C6orf89: variants seen among roughly 807,000 people sequenced by gnomAD.
C6orf89 encodes the protein bombesin receptor-activated protein C6orf89.
C6orf89 carries 29 observed loss-of-function variants against 40.7 expected under a neutral mutation model. The ratio of observed to expected loss-of-function variants is 0.71; its 90% CI spans 0.53 to 0.97. The LOEUF (loss-of-function observed/expected upper bound fraction) is 0.97, where lower values mean the gene tolerates loss of function less well. Among genes scored for constraint, C6orf89 ranks in the 50% least tolerant of loss-of-function variants. The pLI, the probability that C6orf89 is intolerant of heterozygous loss-of-function variation, is 0.00. For synonymous variants in C6orf89, 165 were observed against 152.2 expected, an observed-to-expected ratio of 1.08 and a Z score of -0.62; for missense variants, 392 against 429.1, an observed-to-expected ratio of 0.91 and a Z score of 0.76.
intron 4 of C6orf89, among the ~76,000 whole-genome samples, chr6:36,911,363 A>G (rs1201801902): frequency 6.6e-6 from 1 of 151,870 alleles, no homozygotes; most frequent in Non-Finnish European, 1.5e-5. Flanking sequence ...CGTGGCGGGC[A>G]CCTGTAATCC....
intron 1 of C6orf89, among the ~76,000 whole-genome samples, chr6:36,872,538 G>T (rs1774534636): frequency 6.6e-6 from 1 of 152,054 alleles, no homozygotes; most frequent in Admixed American, 6.6e-5. Context: ...AGATAAGGAA[G>T]AGGCAAGAGA....
intron 3 of C6orf89, among the ~76,000 whole-genome samples, 178 bp downstream of exon 3, chr6:36,899,811 A>G (rs551228807): frequency 6.6e-6 from 1 of 152,368 alleles, no homozygotes; most frequent in Admixed American, 6.5e-5. Context: ...TAAAGGTCCT[A>G]GATGAAAGCT....
intron 1 of C6orf89, among the ~76,000 whole-genome samples, chr6:36,889,715 T>A (rs1231901573): frequency 6.6e-6 from 1 of 152,198 alleles, no homozygotes; most frequent in Non-Finnish European, 1.5e-5. Context: ...ATGATCTTTT[T>A]AAAAAAATTT....
chr6:36,895,315 C>T (rs1404832901), intron 2 of C6orf89, among the ~76,000 whole-genome samples: 1 of 152,144 alleles, frequency 6.6e-6, no homozygotes, highest in African/African-American at 2.4e-5. Context: ...AATGCTACAT[C>T]TTAATTTCTG....
At chr6:36,898,149 C>T in intron 2 of C6orf89, among the ~76,000 whole-genome samples, 1 of 152,230 alleles carries the variant, frequency 6.6e-6, no homozygotes, top group Non-Finnish European at 1.5e-5. Context: ...GTGGTATGAT[C>T]ATAGCTCACT....
At chr6:36,915,220 A>G (rs1259105484) in intron 6 of C6orf89, among the ~76,000 whole-genome samples, 1 of 152,214 alleles carries the variant, frequency 6.6e-6, no homozygotes, top group Non-Finnish European at 1.5e-5. Flanking sequence ...AAGTTTGTCT[A>G]ATAGAGTCAT....
chr6:36,911,741 C>T (rs1435101596), intron 4 of C6orf89, among the ~76,000 whole-genome samples: 2 of 152,060 alleles, frequency 1.3e-5, no homozygotes, highest in African/African-American at 4.8e-5. Context: ...CCTAGATGAG[C>T]ACTAATGACA....
At chr6:36,891,137 C>T (rs1194764290) in intron 1 of C6orf89, among the ~76,000 whole-genome samples, 2 of 152,056 alleles carry the variant, frequency 1.3e-5, no homozygotes, top group Non-Finnish European at 2.9e-5. Context: ...AATGCTATCC[C>T]TCCCCACTCC....
rs914382142 is a variant in C6orf89, at chr6:36,925,752, T to C, written c.*2311T>C. The stretch of plus-strand genomic sequence containing the variant: ...TTGCCAGCCAGTCCCTTTCTGATGA[T>C]CAAGGCCCTGCACAGCAGGATGCCA... On this transcript the variant is annotated 3_prime_UTR_variant, in exon 9 of 9. Transcript: ENST00000480824. 1 of 152,216 alleles carries C rather than the reference T, an allele frequency of 6.6e-6. No individual in the cohort carries two copies. Among genetic ancestry groups the C allele is most frequent in the Non-Finnish European group, 1.5e-5 (1 of 68,042 alleles). The allele number at this position is 152,216 out of a possible 1,614,324, so 9.4% of individuals were successfully genotyped here.
upstream of C6orf89, chr6:36,885,759 G>C (rs1026713318): frequency 2.7e-6 from 1 of 370,230 alleles, no homozygotes; most frequent in African/African-American, 2.1e-5. Context: ...GGGGCGAAAA[G>C]AGCCAGAACG....
intron 2 of C6orf89, among the ~76,000 whole-genome samples, chr6:36,896,671 T>C (rs899916012): frequency 2.6e-5 from 4 of 152,240 alleles, no homozygotes; most frequent in African/African-American, 9.6e-5. Context: ...TGAAGTCCAA[T>C]TTATTTTTTC....
chr6:36,880,962 A>G (rs1364564384), upstream of C6orf89, among the ~76,000 whole-genome samples: 2 of 152,354 alleles, frequency 1.3e-5, no homozygotes, highest in Non-Finnish European at 1.5e-5. Flanking sequence ...ATTTAAGGTG[A>G]TTAGGCCTCC....
chr6:36,915,171 G>T (rs568277782), intron 6 of C6orf89, among the ~76,000 whole-genome samples: 108 of 152,306 alleles, frequency 7.1e-4, no homozygotes, highest in Non-Finnish European at 1.1e-3. Flanking sequence ...GGATGAAGAG[G>T]TGTGTCAGAA....
At chr6:36,888,356 G>T (rs1290170133) in intron 1 of C6orf89, among the ~76,000 whole-genome samples, 1 of 152,220 alleles carries the variant, frequency 6.6e-6, no homozygotes, top group Non-Finnish European at 1.5e-5. Flanking sequence ...AAGTGGCCGA[G>T]TGCAGCGGCT....
intron 1 of C6orf89, among the ~76,000 whole-genome samples, chr6:36,890,903 T>G (rs900701714): frequency 5.3e-5 from 8 of 152,220 alleles, no homozygotes; most frequent in Admixed American, 4.6e-4. Flanking sequence ...TTAAATCGTA[T>G]TAATCATTTC....
At chr6:36,916,353 C>A in intron 6 of C6orf89, 92 bp from the exon 7 acceptor site, 1 of 1,507,850 alleles carries the variant, frequency 6.6e-7, no homozygotes, top group South Asian at 1.2e-5. Context: ...TTACCCACCG[C>A]CCACAGTTTT....
chr6:36,909,523 T>G (rs1762046300), intron 4 of C6orf89, among the ~76,000 whole-genome samples: 1 of 152,160 alleles, frequency 6.6e-6, no homozygotes, highest in South Asian at 2.1e-4. Context: ...CCATTTATAT[T>G]TATAATACTT....
chr6:36,896,628 CTCTTG>C (rs1310341141), intron 2 of C6orf89, among the ~76,000 whole-genome samples: 1 of 152,100 alleles, frequency 6.6e-6, no homozygotes, highest in African/African-American at 2.4e-5. Context: ...TTTTCCCCTC[CTCTTG>C]TCTTCTACAA....
In C6orf89 at chr6:36,926,954, A is replaced by C. The variant is rs1226939901; in HGVS notation, c.*3513A>C. 2 of 152,262 alleles carry C rather than the reference A, an allele frequency of 1.3e-5. No individual in the cohort carries two copies. The highest frequency in any genetic ancestry group is 1.3e-4 in the Admixed American group (2 of 15,286). 9.4% of individuals were successfully genotyped at this position (152,262 alleles called of 1,614,324 possible). A position where few individuals can be genotyped will look rare whatever the true frequency, so the allele number is the denominator to read the frequency against. On this transcript the variant is annotated 3_prime_UTR_variant, in exon 9 of 9. Transcript: ENST00000480824. ...GGGGTCAGCAAGCCAGGAACTCCGC[A>C]GGGTTTGTTTTTAAAACTCTGCTGG...
Sources: gnomAD v4.1 joint callset for allele counts (sites outside exome capture counted in the v4.1 genomes callset) on GRCh38, gnomAD v4.1.1 for gene constraint, MANE v1.5 for transcripts, NCBI Gene and HGNC (gene_info 2026-07-23, HGNC 2026-07-21) for gene names.